Variants in VPS39 observed in about 807,000 individuals in gnomAD.
VPS39 encodes the protein vam6/Vps39-like protein.
A neutral mutation model predicts 121.0 loss-of-function variants in VPS39; 70 were observed. That is an observed-to-expected ratio of 0.58 (90% CI 0.48 to 0.71). VPS39 has a LOEUF of 0.71. Ranked by LOEUF, VPS39 falls within the 30% of genes least tolerant of loss-of-function variation. The pLI is 0.00. For missense variants in VPS39, 818 were observed against 1,051.5 expected (o/e 0.78, Z 3.07); for synonymous variants, 378 against 398.1 (o/e 0.95, Z 0.60).
At chr15:42,203,866 C>T (rs1026481142) in intron 1 of VPS39, among the ~76,000 whole-genome samples, 5 of 152,288 alleles carry the variant, frequency 3.3e-5, no homozygotes, top group African/African-American at 4.8e-5. Flanking sequence ...GCAGAGCACG[C>T]GCAGCATGGG....
chr15:42,161,809 A>G (rs2049133003), intron 23 of VPS39, 36 bp from the exon 24 acceptor site: 1 of 1,610,790 alleles, frequency 6.2e-7, no homozygotes, highest in African/African-American at 1.3e-5. Context: ...GAAGTTCTAC[A>G]GTGTGGCACC....
At chr15:42,195,526 A>G (rs548312492) in intron 2 of VPS39, among the ~76,000 whole-genome samples, 2 of 152,336 alleles carry the variant, frequency 1.3e-5, no homozygotes, top group South Asian at 4.1e-4. Context: ...ATACACCAAT[A>G]ACAGACAAAC....
chr15:42,170,733 G>A (rs1185802760), intron 11 of VPS39, among the ~76,000 whole-genome samples: 1 of 138,816 alleles, frequency 7.2e-6, no homozygotes, highest in Non-Finnish European at 1.5e-5. Flanking sequence ...TCTCACAGAT[G>A]CTCGCAGATT....
chr15:42,202,782 T>C (rs2050092789), intron 1 of VPS39, among the ~76,000 whole-genome samples: 1 of 152,010 alleles, frequency 6.6e-6, no homozygotes, highest in African/African-American at 2.4e-5. Flanking sequence ...TCCTATAGAG[T>C]CTCTCTGGGG....
At chr15:42,191,662 T>C (rs1307535902) in intron 2 of VPS39, 102 bp from the exon 3 acceptor site, 5 of 1,011,616 alleles carry the variant, frequency 4.9e-6, no homozygotes. Context: ...ATATAAATCT[T>C]TGGAAGTTCC....
intron 2 of VPS39, among the ~76,000 whole-genome samples, chr15:42,198,907 T>C (rs995440297): frequency 1.4e-4 from 22 of 152,320 alleles, no homozygotes; most frequent in Non-Finnish European, 2.9e-4. Flanking sequence ...AACTTAGAAA[T>C]GAAATAAATT....
Position 42,161,419 on chromosome 15 carries a change from G to A in VPS39, c.2552+263C>T, listed in dbSNP as rs926052780. 7.3e-6 allele frequency: 4 copies of A among 551,048 alleles called. No homozygotes were observed. In the African/African-American group the frequency reaches 7.5e-5, roughly 10 times the overall value. The allele number at this position is 551,048 out of a possible 1,614,324, so 34.1% of individuals were successfully genotyped here. ...ATCTCTTGGGCACCCACTATATCAG[G>A]TTCTAGCTTCAAGAGGGGAAGAGTT... is the stretch of plus-strand genomic sequence containing the variant. On this transcript the variant is annotated intron_variant, in intron 24 of 24. Coordinates refer to ENST00000318006, the MANE Select transcript of VPS39 (RefSeq NM_015289.5).
In VPS39 at chr15:42,166,230, TG is replaced by T; in HGVS notation, c.1608del (p.Thr537GlnfsTer6). ...ERTVQYLQHL[G>X]TENLHLIFSY... ...GAGAAAATCAAATGCAGGTTTTCTG[TG>T]CCTAGAAGGAAAAGCAGGACTTGTC... On this transcript the variant is annotated frameshift_variant and splice_region_variant, in exon 16 of 25. Coordinates refer to ENST00000318006, the MANE Select transcript of VPS39 (RefSeq NM_015289.5). LOFTEE classifies it high-confidence loss of function. 1 of 1,614,164 alleles carries T rather than the reference TG, an allele frequency of 6.2e-7. No homozygotes were observed. Among genetic ancestry groups the T allele is most frequent in the Non-Finnish European group, 8.5e-7 (1 of 1,180,026 alleles).
At chr15:42,193,362 G>A (rs1431710165) in intron 2 of VPS39, among the ~76,000 whole-genome samples, 12 of 152,128 alleles carry the variant, frequency 7.9e-5, no homozygotes, top group Non-Finnish European at 2.9e-5. Context: ...CAAAAAATCT[G>A]TCCTCATATA....
chr15:42,178,183 A>G (rs781033950), intron 10 of VPS39, 35 bp downstream of exon 10: 2 of 1,612,782 alleles, frequency 1.2e-6, no homozygotes, highest in Non-Finnish European at 1.7e-6. Context: ...TTCAAGAACA[A>G]TAAGGAAGGA....
intron 10 of VPS39, among the ~76,000 whole-genome samples, chr15:42,176,341 G>A (rs180779192): frequency 6.6e-6 from 1 of 151,910 alleles, no homozygotes; most frequent in Admixed American, 6.6e-5. Flanking sequence ...AAACATATGT[G>A]TTTAATCATT....
intron 5 of VPS39, among the ~76,000 whole-genome samples, chr15:42,188,555 T>C (rs911437585): frequency 2.6e-5 from 4 of 152,236 alleles, no homozygotes; most frequent in African/African-American, 9.6e-5. Flanking sequence ...ACGAGAGTTT[T>C]TGTCCTCGGT....
Position 42,178,511 on chromosome 15 carries a change from CA to C in VPS39, c.777del (p.Phe259LeufsTer64). On this transcript the variant is annotated frameshift_variant, in exon 9 of 25. Coordinates refer to ENST00000318006, the MANE Select transcript of VPS39 (RefSeq NM_015289.5). LOFTEE classifies it high-confidence loss of function. ...VLPRYVEIRT[F>X]EPRLLVQSIE... Reference sequence around the variant, plus strand: ...ATGCTTTGGACCAGAAGCCTCGGTTCAAATGTTCGGATCTCAACATATCGAG... The same window carrying C: ...ATGCTTTGGACCAGAAGCCTCGGTTCAATGTTCGGATCTCAACATATCGAG... The C allele has an allele frequency of 6.2e-7, 1 of 1,614,146 alleles. No individual in the cohort carries two copies. Among genetic ancestry groups the C allele is most frequent in the Non-Finnish European group, 8.5e-7 (1 of 1,180,038 alleles).
chr15:42,166,032 C>A, intron 16 of VPS39, 127 bp downstream of exon 16: 1 of 1,095,250 alleles, frequency 9.1e-7, no homozygotes, highest in South Asian at 1.4e-5. Context: ...GCTTCCCAGT[C>A]CACCCTTTCT....
At chr15:42,192,172 A>G in intron 2 of VPS39, 1 of 1,461,606 alleles carries the variant, frequency 6.8e-7, no homozygotes, top group Non-Finnish European at 9.3e-7. Context: ...GATGACAAAA[A>G]TATTCAGCCT....
chr15:42,191,815 G>A (rs1595675282), intron 2 of VPS39, among the ~76,000 whole-genome samples: 3 of 152,156 alleles, frequency 2.0e-5, no homozygotes, highest in Non-Finnish European at 2.9e-5. Flanking sequence ...TCACTGAAGC[G>A]GCAAGGTACT....
intron 24 of VPS39, 28 bp downstream of exon 24, chr15:42,161,653 GA>G (rs148082104): frequency 0.14 from 229,965 of 1,611,190 alleles, 17,625 homozygotes; most frequent in Non-Finnish European, 0.15. Context: ...ACAAAGCCCA[GA>G]TGCCACACAG....
rs1413823705 is a variant in VPS39 at position 42,173,867 on chromosome 15, G to C, written c.961-15C>G. ...TCTTTCATTTCCTAATAACGGAGCA[G>C]AATATGTAAGAGTTCACTCACTCAA... On this transcript the variant is annotated splice_polypyrimidine_tract_variant and intron_variant, in intron 10 of 24. Transcript: ENST00000318006. The C allele has an allele frequency of 1.9e-6, 3 of 1,613,540 alleles. No individual in the cohort carries two copies. The South Asian group carries it at 3.3e-5, about 18-fold the overall frequency.
chr15:42,181,125 C>T (rs1208597019), intron 8 of VPS39, among the ~76,000 whole-genome samples: 1 of 152,098 alleles, frequency 6.6e-6, no homozygotes, highest in Non-Finnish European at 1.5e-5. Context: ...CCCAAGTATC[C>T]ACGAACGGAT....
Sources: gnomAD v4.1 joint callset for allele counts (sites outside exome capture counted in the v4.1 genomes callset) on GRCh38, gnomAD v4.1.1 for gene constraint, MANE v1.5 for transcripts, NCBI Gene and HGNC (gene_info 2026-07-23, HGNC 2026-07-21) for gene names.